The following ANKRD26 variants were observed in gnomAD, a reference collection of about 807,000 sequenced individuals.
The protein encoded by ANKRD26 is ankyrin repeat domain-containing protein 26.
Under a neutral mutation model 208.7 loss-of-function variants are expected in ANKRD26, and 141 were observed. The ratio of observed to expected loss-of-function variants is 0.68; its 90% CI spans 0.59 to 0.78. The LOEUF (loss-of-function observed/expected upper bound fraction) is 0.78. Ranked by LOEUF, ANKRD26 falls within the 30% of genes least tolerant of loss-of-function variation. The probability of loss-of-function intolerance (pLI) is 0.00; values close to 1 mark genes in which losing one functional copy is unlikely to be tolerated. For missense variants in ANKRD26, 1,889 were observed against 1,938.7 expected (o/e 0.97, Z 0.48); for synonymous variants, 636 against 660.4 (o/e 0.96, Z 0.57).
At chr10:27,072,477 C>T (rs1200544773) in intron 9 of ANKRD26, among the ~76,000 whole-genome samples, 4 of 152,200 alleles carry the variant, frequency 2.6e-5, no homozygotes, top group African/African-American at 7.2e-5. Flanking sequence ...CCAGCCCCCA[C>T]CCGGCTTTGC....
rs2056560671 is a variant in ANKRD26, at chr10:27,099,043, T to A, written c.242+1042A>T. Among the ~76,000 whole-genome samples the A allele has an allele frequency of 2.0e-5, 3 of 152,084 alleles. 1 individual carries two copies. In the South Asian group the frequency reaches 6.2e-4, roughly 31 times the overall value. Reference sequence around the variant, plus strand: ...TTTGCTCTTGTTGCCCAGGCTGGAGTGCAATGGCACGATCTTGGCTCACTG... The same window carrying A: ...TTTGCTCTTGTTGCCCAGGCTGGAGAGCAATGGCACGATCTTGGCTCACTG... On this transcript the variant is annotated intron_variant, in intron 1 of 33. Coordinates refer to ENST00000376087, the MANE Select transcript of ANKRD26 (RefSeq NM_014915.3).
intron 25 of ANKRD26, chr10:27,030,276 A>G: frequency 1.4e-6 from 1 of 705,826 alleles, no homozygotes; most frequent in Non-Finnish European, 1.7e-6. Flanking sequence ...ACTTTTGCCA[A>G]TTCCACTAAG....
chr10:27,015,572 T>C (rs1589217939), intron 30 of ANKRD26, among the ~76,000 whole-genome samples: 1 of 152,232 alleles, frequency 6.6e-6, no homozygotes, highest in Admixed American at 6.5e-5. Context: ...AAATACCATG[T>C]GAAGAAATCT....
the ANKRD26 span, among the ~76,000 whole-genome samples, chr10:26,963,670 T>C: frequency 6.6e-6 from 1 of 152,162 alleles, no homozygotes; most frequent in Non-Finnish European, 1.5e-5. Flanking sequence ...CGGTCCCTGA[T>C]ATAACAGGGT....
the ANKRD26 span, among the ~76,000 whole-genome samples, chr10:26,951,013 C>CTTTTCTTTTTTTTTTTTTTT: frequency 2.1e-4 from 21 of 100,926 alleles, 1 homozygote; most frequent in South Asian, 1.5e-3. Context: ...CTTTTCTTTT[C>CTTTTCTTTTTTTTTTTTTTT]TTTTTCTTTT....
intron 9 of ANKRD26, among the ~76,000 whole-genome samples, chr10:27,070,395 G>C (rs1005490912): frequency 5.3e-5 from 8 of 151,932 alleles, no homozygotes; most frequent in Non-Finnish European, 1.2e-4. Flanking sequence ...GCAAGACTCC[G>C]TCTCAAAAAA....
intron 29 of ANKRD26, 86 bp downstream of exon 29, chr10:27,022,472 C>T (rs895174050): frequency 3.7e-6 from 4 of 1,079,912 alleles, no homozygotes; most frequent in African/African-American, 3.2e-5. Context: ...AAAAAAAAAT[C>T]TTTATTTCAC....
chr10:27,084,943 A>G (rs780337107), intron 5 of ANKRD26, among the ~76,000 whole-genome samples: 48 of 150,054 alleles, frequency 3.2e-4, no homozygotes, highest in Non-Finnish European at 4.9e-4. Context: ...CCCATTGGAC[A>G]TTTTTGTACT....
chr10:27,090,911 T>A (rs2056277614), intron 4 of ANKRD26, among the ~76,000 whole-genome samples: 1 of 152,014 alleles, frequency 6.6e-6, no homozygotes, highest in Admixed American at 6.6e-5. Flanking sequence ...GCCTGGGTAA[T>A]ATGGGGAAAT....
chr10:27,013,156 T>C, intron 31 of ANKRD26, 46 bp from the exon 32 acceptor site: 1 of 1,537,386 alleles, frequency 6.5e-7, no homozygotes. Flanking sequence ...TACTTTTCCC[T>C]AAATGATTCC....
the ANKRD26 span, among the ~76,000 whole-genome samples, chr10:26,960,478 A>C: frequency 7.2e-5 from 11 of 152,294 alleles, 1 homozygote; most frequent in South Asian, 2.3e-3. Context: ...TGCCAGCTGA[A>C]CACCACCCGA....
intron 5 of ANKRD26, 148 bp from the exon 6 acceptor site, chr10:27,082,981 C>A (rs777195390): frequency 8.4e-7 from 1 of 1,190,472 alleles, no homozygotes; most frequent in Non-Finnish European, 1.1e-6. Context: ...TATAAATATT[C>A]CATTATACTC....
At position 27,090,635 on chromosome 10, in the gene ANKRD26, T is replaced by C. The variant is rs2056270633; in HGVS notation, c.638+1771A>G. ...AGAGGCCTCTTGTCTCACTGGGGTA[T>C]TACATACTAGAAGTCCTTTCATGGC... is the stretch of plus-strand genomic sequence containing the variant. On this transcript the variant is annotated intron_variant, in intron 4 of 33. Coordinates refer to ENST00000376087, the MANE Select transcript of ANKRD26 (RefSeq NM_014915.3). Among the ~76,000 whole-genome samples the C allele has an allele frequency of 2.6e-5, 4 of 152,290 alleles. No individual in the cohort carries two copies. The South Asian group carries it at 8.3e-4, about 32-fold the overall frequency.
chr10:27,031,406 AC>A (rs1327174397), intron 25 of ANKRD26, among the ~76,000 whole-genome samples: 2 of 152,226 alleles, frequency 1.3e-5, no homozygotes, highest in African/African-American at 4.8e-5. Context: ...GACCCCAAAA[AC>A]ATGCTAAGTA....
intron 30 of ANKRD26, 108 bp from the exon 31 acceptor site, chr10:27,014,819 A>C (rs1231724595): frequency 8.2e-5 from 70 of 852,502 alleles, no homozygotes; most frequent in Non-Finnish European, 1.3e-4. Flanking sequence ...AACTCCAAAA[A>C]GAGAAAGATC....
chr10:26,982,413 C>T (rs1037459684), intron 4 of ANKRD26, among the ~76,000 whole-genome samples: 1 of 151,840 alleles, frequency 6.6e-6, no homozygotes, highest in Non-Finnish European at 1.5e-5. Flanking sequence ...TTTCATATTC[C>T]CCCAGCTTCC....
the ANKRD26 span, among the ~76,000 whole-genome samples, chr10:26,950,323 G>A: frequency 1.3e-5 from 2 of 152,226 alleles, no homozygotes; most frequent in African/African-American, 4.8e-5. Context: ...CCTCTGTGAT[G>A]ATTGTAAGTT....
At chr10:26,984,909 C>T (rs999924118) in intron 3 of ANKRD26, among the ~76,000 whole-genome samples, 76 of 152,104 alleles carry the variant, frequency 5.0e-4, no homozygotes, top group Non-Finnish European at 7.8e-4. Flanking sequence ...GTAGGCACAA[C>T]GGAAATGTTG....
chr10:27,031,232 T>C (rs181600159), intron 25 of ANKRD26, among the ~76,000 whole-genome samples: 2 of 152,314 alleles, frequency 1.3e-5, no homozygotes, highest in East Asian at 3.9e-4. Flanking sequence ...AAAACATATG[T>C]CTTATAAATG....
Sources: allele counts gnomAD v4.1 joint callset (sites outside exome capture counted in the v4.1 genomes callset), GRCh38; gene constraint gnomAD v4.1.1; transcripts MANE v1.5; gene names NCBI Gene and HGNC (gene_info 2026-07-23, HGNC 2026-07-21).